JMY: variants seen among roughly 807,000 people sequenced by gnomAD.
The protein encoded by JMY is junction mediating and regulatory protein, p53 cofactor.
A neutral mutation model predicts 103.3 loss-of-function variants in JMY; 46 were observed. The ratio of observed to expected loss-of-function variants is 0.45; its 90% CI spans 0.35 to 0.57. The LOEUF (loss-of-function observed/expected upper bound fraction) is 0.57, where lower values mean the gene tolerates loss of function less well. JMY is among the 20% of genes least tolerant of loss of function. The pLI is 0.00. For missense variants in JMY, 1,238 were observed against 1,255.2 expected, an observed-to-expected ratio of 0.99 and a Z score of 0.21; for synonymous variants, 526 against 489.3, an observed-to-expected ratio of 1.07 and a Z score of -0.99.
chr5:79,271,808 T>C (rs1484584434), intron 1 of JMY, among the ~76,000 whole-genome samples: 1 of 152,138 alleles, frequency 6.6e-6, no homozygotes, highest in Non-Finnish European at 1.5e-5. Context: ...GACTCTTTCG[T>C]GTTTATAAAA....
Position 79,322,762 on chromosome 5 carries a change from G to A in JMY, c.*1160G>A, listed in dbSNP as rs545506525. 6.6e-6 allele frequency: 1 copy of A among 152,236 alleles called. No individual in the cohort carries two copies. Among genetic ancestry groups the A allele is most frequent in the South Asian group, 2.1e-4 (1 of 4,818 alleles). 9.4% of individuals were successfully genotyped at this position (152,236 alleles called of 1,614,324 possible). On this transcript the variant is annotated 3_prime_UTR_variant, in exon 11 of 11. Coordinates refer to ENST00000396137, the MANE Select transcript of JMY (RefSeq NM_152405.5). Reference sequence around the variant, plus strand: ...CCAGATTTTCAGCAGGATTGTTGTGGGCTTGAATACATGTAGATCATTGGA... The same window carrying A: ...CCAGATTTTCAGCAGGATTGTTGTGAGCTTGAATACATGTAGATCATTGGA...
chr5:79,294,099 A>G (rs1238183694), intron 4 of JMY, among the ~76,000 whole-genome samples: 1 of 152,206 alleles, frequency 6.6e-6, no homozygotes, highest in African/African-American at 2.4e-5. Context: ...ATAGATGATG[A>G]TAAAATTAAA....
rs1253092226 is a variant in JMY at position 79,314,462 on chromosome 5, A to C, written c.2270A>C (p.Gln757Pro). ...SQTTEPQSLVQLEDTSLTQLE... is the reference protein window; with the variant it reads ...SQTTEPQSLVPLEDTSLTQLE... ...ACAACAGAACCCCAGAGCCTTGTGC[A>C]ACTTGAAGATACTTCATTAACACAA... The change falls in exon 9 of 11, where the codon CAA becomes CCA. Residue 757 changes from glutamine to proline, a missense_variant. Transcript: ENST00000396137. 1 of 1,614,094 alleles carries C rather than the reference A, an allele frequency of 6.2e-7. No homozygotes were observed. Among genetic ancestry groups the C allele is most frequent in the East Asian group, 2.2e-5 (1 of 44,900 alleles).
rs142351235 is a variant in JMY, at chr5:79,262,095, G to C, written c.1033-15815G>C. The stretch of plus-strand genomic sequence containing the variant: ...CTGTGGCCGTTTTTATGTTGTGCTG[G>C]TTGAGCTTCAGCACTTCTGAAACCC... On this transcript the variant is annotated intron_variant, in intron 1 of 10. Coordinates refer to ENST00000396137, the MANE Select transcript of JMY (RefSeq NM_152405.5). Among the ~76,000 whole-genome samples, 628 of 152,252 alleles carry C rather than the reference G, an allele frequency of 4.1e-3. 6 individuals carry two copies. Among genetic ancestry groups the C allele is most frequent in the African/African-American group, 0.015 (608 of 41,534 alleles).
intron 1 of JMY, among the ~76,000 whole-genome samples, chr5:79,270,193 G>T (rs1041446378): frequency 2.0e-5 from 3 of 151,350 alleles, no homozygotes; most frequent in Admixed American, 6.6e-5. Flanking sequence ...TGTTAAATAG[G>T]AGTAGTAAAG....
At chr5:79,263,907 C>T (rs1370990743) in intron 1 of JMY, among the ~76,000 whole-genome samples, 2 of 151,878 alleles carry the variant, frequency 1.3e-5, no homozygotes, top group Non-Finnish European at 2.9e-5. Flanking sequence ...AAGCAATTCT[C>T]CTGCCTCAGC....
intron 4 of JMY, among the ~76,000 whole-genome samples, chr5:79,298,972 T>C (rs774916231): frequency 1.9e-5 from 2 of 105,600 alleles, no homozygotes; most frequent in Non-Finnish European, 3.7e-5. Flanking sequence ...TTCACTGTCT[T>C]TTTCCCTGTA....
intron 2 of JMY, among the ~76,000 whole-genome samples, chr5:79,286,203 A>G (rs115731535): frequency 0.011 from 1,675 of 152,328 alleles, 32 homozygotes; most frequent in African/African-American, 0.037. Flanking sequence ...GTTAAAAGAC[A>G]GCATTAAAAA....
intron 4 of JMY, among the ~76,000 whole-genome samples, chr5:79,299,340 T>C (rs1746661038): frequency 1.3e-5 from 2 of 152,226 alleles, no homozygotes; most frequent in Admixed American, 6.5e-5. Context: ...CTTTGGCTTC[T>C]TTTATCTGCC....
At chr5:79,278,202 C>G (rs1334732801) in intron 2 of JMY, 119 bp downstream of exon 2, 5 of 829,514 alleles carry the variant, frequency 6.0e-6, no homozygotes, top group African/African-American at 3.5e-5. Flanking sequence ...GTACCTGGTC[C>G]TATTTCTGCA....
At chr5:79,247,536 C>T (rs1180163905) in intron 1 of JMY, among the ~76,000 whole-genome samples, 2 of 152,164 alleles carry the variant, frequency 1.3e-5, no homozygotes, top group Non-Finnish European at 2.9e-5. Context: ...ATGCGGGTCT[C>T]AGTCTCCTGA....
At position 79,306,361 on chromosome 5, in the gene JMY, T is replaced by G; in HGVS notation, c.1882-14T>G. The G allele has an allele frequency of 1.3e-6, 2 of 1,569,606 alleles. No individual in the cohort carries two copies. Among genetic ancestry groups the G allele is most frequent in the Non-Finnish European group, 1.8e-6 (2 of 1,140,734 alleles). On this transcript the variant is annotated splice_polypyrimidine_tract_variant and intron_variant, in intron 6 of 10. Transcript: ENST00000396137. Reference sequence around the variant, plus strand: ...AGTTTCACTTGTATTAAAACACATTTTATGTATTTACAGGAAATATGTATT... The same window carrying G: ...AGTTTCACTTGTATTAAAACACATTGTATGTATTTACAGGAAATATGTATT...
At chr5:79,316,369 G>T (rs1276602676) in intron 10 of JMY, 59 bp downstream of exon 10, 2 of 1,312,792 alleles carry the variant, frequency 1.5e-6, no homozygotes, top group Admixed American at 2.6e-5. Context: ...ATCGGATGAT[G>T]AGGTTTGGGG....
chr5:79,246,255 T>C (rs1935102522), intron 1 of JMY, among the ~76,000 whole-genome samples: 1 of 152,192 alleles, frequency 6.6e-6, no homozygotes, highest in African/African-American at 2.4e-5. Flanking sequence ...GGCCTATCTT[T>C]CTCCTTGCCG....
In JMY at chr5:79,237,808, C is replaced by G. The variant is rs1048672031; in HGVS notation, c.1032+126C>G. The G allele has an allele frequency of 5.2e-6, 4 of 774,134 alleles. No homozygotes were observed. In the African/African-American group the frequency reaches 7.0e-5, roughly 14 times the overall value. 48.0% of individuals were successfully genotyped at this position (774,134 alleles called of 1,614,324 possible). On this transcript the variant is annotated intron_variant, in intron 1 of 10. Transcript: ENST00000396137. ...GTTGTTTTTCTGGACAAGCGGAAACCAAGAGGGGTTCCTGATCTACCTTGC... is the reference window on the plus strand; with the variant it reads ...GTTGTTTTTCTGGACAAGCGGAAACGAAGAGGGGTTCCTGATCTACCTTGC...
At chr5:79,296,296 A>G (rs565172169) in intron 4 of JMY, among the ~76,000 whole-genome samples, 1 of 152,238 alleles carries the variant, frequency 6.6e-6, no homozygotes, top group African/African-American at 2.4e-5. Flanking sequence ...GATTTCTGAC[A>G]TGTGGAATTC....
At chr5:79,297,083 T>A (rs968832983) in intron 4 of JMY, among the ~76,000 whole-genome samples, 3 of 152,182 alleles carry the variant, frequency 2.0e-5, no homozygotes, top group Admixed American at 1.3e-4. Context: ...TAATCCCTAA[T>A]TTTTTCTAGT....
intron 1 of JMY, among the ~76,000 whole-genome samples, chr5:79,264,330 G>T (rs1457788725): frequency 6.6e-6 from 1 of 151,686 alleles, no homozygotes; most frequent in Non-Finnish European, 1.5e-5. Context: ...TAAGCAATCC[G>T]CTGACCTCAG....
chr5:79,297,521 C>T (rs1483788473), intron 4 of JMY, among the ~76,000 whole-genome samples: 1 of 152,204 alleles, frequency 6.6e-6, no homozygotes, highest in Non-Finnish European at 1.5e-5. Flanking sequence ...GGTGCCCGCT[C>T]CATACCTCTT....
Sources: gnomAD v4.1 joint callset for allele counts (sites outside exome capture counted in the v4.1 genomes callset) on GRCh38, gnomAD v4.1.1 for gene constraint, MANE v1.5 for transcripts, NCBI Gene and HGNC (gene_info 2026-07-23, HGNC 2026-07-21) for gene names.